Variants in AGO3 observed in about 807,000 individuals in gnomAD.
AGO3 encodes the protein protein argonaute-3.
A neutral mutation model predicts 105.5 loss-of-function variants in AGO3; 16 were observed. That is an observed-to-expected ratio of 0.15 (90% confidence interval 0.10 to 0.23). The LOEUF (loss-of-function observed/expected upper bound fraction) is 0.23, where lower values mean the gene tolerates loss of function less well. Among genes scored for constraint, AGO3 ranks in the 10% least tolerant of loss-of-function variants. AGO3 has a pLI of 1.00. For synonymous variants in AGO3, 340 were observed against 367.3 expected (o/e 0.93, Z 0.85); for missense variants, 534 against 1,088.0 (o/e 0.49, Z 7.16).
chr1:36,032,823 C>G (rs2148841069), intron 12 of AGO3, among the ~76,000 whole-genome samples: 1 of 152,196 alleles, frequency 6.6e-6, no homozygotes, highest in South Asian at 2.1e-4. Flanking sequence ...GACCCCATCT[C>G]TACTAAAAAT....
chr1:35,970,772 C>T (rs1646852759), intron 3 of AGO3, among the ~76,000 whole-genome samples: 1 of 151,556 alleles, frequency 6.6e-6, no homozygotes. Context: ...CTCTGTAACC[C>T]AGGCTGGAGT....
rs368252499 is a variant in AGO3 at position 36,031,910 on chromosome 1, G to GGT, written c.1592-2249_1592-2248dup. Among the ~76,000 whole-genome samples, 600 of 148,526 alleles carry GGT rather than the reference G, an allele frequency of 4.0e-3. 4 individuals are homozygous for GGT. Among genetic ancestry groups the GGT allele is most frequent in the African/African-American group, 0.013 (506 of 40,454 alleles). On this transcript the variant is annotated intron_variant, in intron 12 of 18. Coordinates refer to ENST00000373191, the MANE Select transcript of AGO3 (RefSeq NM_024852.4). ...TATATGTGTGTGTGGGGGGGCGGGG[G>GGT]GTGTGTGTGTGTGTGTATACACCAC...
intron 5 of AGO3, among the ~76,000 whole-genome samples, chr1:35,987,056 G>A (rs549628584): frequency 3.5e-5 from 5 of 142,426 alleles, no homozygotes; most frequent in South Asian, 2.2e-4. Context: ...GGCTAGGCAC[G>A]GTGGCTCATG....
intron 17 of AGO3, among the ~76,000 whole-genome samples, chr1:36,047,501 T>C (rs1262255769): frequency 6.6e-6 from 1 of 151,628 alleles, no homozygotes; most frequent in Non-Finnish European, 1.5e-5. Flanking sequence ...CTGAGACTTA[T>C]GAAACACCAG....
rs1442966958 is a variant in AGO3, at chr1:36,038,389, G to A, written c.1843-1401G>A. Among the ~76,000 whole-genome samples, 4 of 151,228 alleles carry A rather than the reference G, an allele frequency of 2.6e-5. No individual in the cohort carries two copies. In the East Asian group the frequency reaches 7.8e-4, roughly 29 times the overall value. On this transcript the variant is annotated intron_variant, in intron 14 of 18. Coordinates refer to ENST00000373191, the MANE Select transcript of AGO3 (RefSeq NM_024852.4). ...TCCTGCCTCAGCCTCCTGAGTAGCT[G>A]GGACTACAGGTGCACGCTGACACAC...
intron 11 of AGO3, among the ~76,000 whole-genome samples, chr1:36,019,283 G>T (rs1330039548): frequency 1.3e-5 from 2 of 152,196 alleles, no homozygotes; most frequent in African/African-American, 4.8e-5. Context: ...AGGAGCATAA[G>T]CCTTCCAGTG....
At chr1:35,938,256 T>C (rs1359029118) in intron 1 of AGO3, among the ~76,000 whole-genome samples, 1 of 152,134 alleles carries the variant, frequency 6.6e-6, no homozygotes, top group Non-Finnish European at 1.5e-5. Flanking sequence ...AGTGCTGGGA[T>C]TACAGGTATG....
Position 36,027,738 on chromosome 1 carries a change from C to T in AGO3, c.1591+440C>T, listed in dbSNP as rs913430232. Among the ~76,000 whole-genome samples the T allele has an allele frequency of 2.0e-5, 3 of 149,472 alleles. No individual in the cohort carries two copies. The highest frequency in any genetic ancestry group is 2.1e-4 in the South Asian group (1 of 4,758). On this transcript the variant is annotated intron_variant, in intron 12 of 18. Coordinates refer to ENST00000373191, the MANE Select transcript of AGO3 (RefSeq NM_024852.4). This position sits in a 1 kb window ranked among gnomAD's most constrained non-coding sequence, Gnocchi z 4.0. ...AGCTTGCAGTGAGCCGAGATCGCAC[C>T]GGTGCACTCCAGCCTGGGCGACAGA...
At chr1:35,960,111 G>C (rs1276856279) in intron 2 of AGO3, among the ~76,000 whole-genome samples, 1 of 152,010 alleles carries the variant, frequency 6.6e-6, no homozygotes, top group Admixed American at 6.6e-5. Context: ...CAGGTTGGTA[G>C]TTTCCCAATT....
At chr1:35,983,108 A>G (rs1281485837) in intron 5 of AGO3, 1 of 154,684 alleles carries the variant, frequency 6.5e-6, no homozygotes, top group Non-Finnish European at 1.4e-5. Flanking sequence ...CCCTACTTTT[A>G]AGACCTTTCA....
chr1:36,043,869 AAAAG>A (rs1469406996), intron 17 of AGO3, among the ~76,000 whole-genome samples: 1 of 152,146 alleles, frequency 6.6e-6, no homozygotes, highest in Non-Finnish European at 1.5e-5. Context: ...CTTTAAAAAA[AAAAG>A]AGAGAGAGAG....
intron 12 of AGO3, among the ~76,000 whole-genome samples, chr1:36,028,063 A>T (rs1173620823): frequency 1.3e-5 from 2 of 151,930 alleles, no homozygotes; most frequent in African/African-American, 4.8e-5. Flanking sequence ...TATGTATGGG[A>T]TAGGATCTCT....
intron 5 of AGO3, chr1:35,982,773 T>A (rs1647076811): frequency 3.3e-6 from 2 of 615,286 alleles, no homozygotes; most frequent in African/African-American, 3.8e-5. Context: ...AAAAAATAGG[T>A]TTAAGAACCA....
chr1:36,044,645 T>G (rs1192605367), intron 17 of AGO3, among the ~76,000 whole-genome samples: 1 of 152,200 alleles, frequency 6.6e-6, no homozygotes, highest in East Asian at 1.9e-4. Flanking sequence ...TTTCACCATG[T>G]TGGCCAGGCT....
chr1:35,995,551 T>TA (rs930912208), intron 5 of AGO3, among the ~76,000 whole-genome samples: 14 of 152,246 alleles, frequency 9.2e-5, no homozygotes, highest in East Asian at 3.9e-4. Flanking sequence ...GTATTTGTAT[T>TA]AAAAAAATTA....
In AGO3 at chr1:36,063,357, A is replaced by G. The variant is rs1643047522; in HGVS notation, c.*7612A>G. ...GAAACCTGTCAAATAAATAATTGTT[A>G]CATGCCTTTTTTTTTTAAATTTAAG... On this transcript the variant is annotated 3_prime_UTR_variant, in exon 19 of 19. Coordinates refer to ENST00000373191, the MANE Select transcript of AGO3 (RefSeq NM_024852.4). 1.3e-5 allele frequency: 2 copies of G among 152,120 alleles called. No homozygotes were observed. The highest frequency in any genetic ancestry group is 2.9e-5 in the Non-Finnish European group (2 of 68,026). 9.4% of individuals were successfully genotyped at this position (152,120 alleles called of 1,614,324 possible).
chr1:35,945,213 CTTTTT>C (rs577859805), intron 1 of AGO3, among the ~76,000 whole-genome samples: 2 of 145,840 alleles, frequency 1.4e-5, no homozygotes, highest in South Asian at 4.3e-4. Context: ...CTTTTCTTTT[CTTTTT>C]TTTTTTTAAA....
intron 5 of AGO3, chr1:35,982,955 G>C (rs1647080840): frequency 7.7e-6 from 2 of 259,490 alleles, no homozygotes; most frequent in Non-Finnish European, 1.4e-5. Flanking sequence ...ACGAAGTATA[G>C]AGAGAGAGTT....
At chr1:36,004,273 G>A in intron 5 of AGO3, 68 bp from the exon 6 acceptor site, 1 of 1,486,038 alleles carries the variant, frequency 6.7e-7, no homozygotes, top group Non-Finnish European at 9.1e-7. Flanking sequence ...TTATCCTGGA[G>A]CCTAAGATGA....
Sources: gnomAD v4.1 joint callset for allele counts (sites outside exome capture counted in the v4.1 genomes callset) on GRCh38, gnomAD v4.1.1 for gene constraint, Gnocchi (gnomAD v3.1) non-coding constraint, MANE v1.5 for transcripts, NCBI Gene and HGNC (gene_info 2026-07-23, HGNC 2026-07-21) for gene names.